Variants in ATG3 observed in about 807,000 individuals in gnomAD.
ATG3 encodes the protein ubiquitin-like-conjugating enzyme ATG3.
Under a neutral mutation model 50.7 loss-of-function variants are expected in ATG3, and 25 were observed. That is an observed-to-expected ratio of 0.49 (90% CI 0.36 to 0.69). ATG3 has a LOEUF of 0.69. Among genes scored for constraint, ATG3 ranks in the 30% least tolerant of loss-of-function variants. The pLI is 0.00. For missense variants in ATG3, 281 were observed against 376.0 expected (o/e 0.75, Z 2.09); for synonymous variants, 119 against 125.5 (o/e 0.95, Z 0.34).
rs750792462 is a variant in ATG3 at position 112,537,725 on chromosome 3, TC to T, written c.666+9del. On this transcript the variant is annotated intron_variant, in intron 9 of 11. Coordinates refer to ENST00000283290, the MANE Select transcript of ATG3 (RefSeq NM_022488.5). ...TATTGATATTAAAATATAATGCTTTTCATTTTTACCTCATCATAGCCAAACA... is the reference window on the plus strand; with the variant it reads ...TATTGATATTAAAATATAATGCTTTTATTTTTACCTCATCATAGCCAAACA... 2.6e-6 allele frequency: 4 copies of T among 1,534,728 alleles called. No homozygotes were observed. The Admixed American group carries it at 8.9e-5, about 34-fold the overall frequency.
chr3:112,539,624 T>C (rs1933171868), intron 7 of ATG3, among the ~76,000 whole-genome samples: 1 of 152,240 alleles, frequency 6.6e-6, no homozygotes, highest in East Asian at 1.9e-4. Context: ...ATCTATTTTT[T>C]GTCTCCACTG....
chr3:112,544,190 A>G, intron 5 of ATG3, 84 bp from the exon 6 acceptor site: 2 of 1,144,126 alleles, frequency 1.7e-6, no homozygotes, highest in South Asian at 2.9e-5. Context: ...AAAAATGCTG[A>G]AAATTCTCAC....
intron 1 of ATG3, 93 bp from the exon 2 acceptor site, chr3:112,558,510 GGCAATAGA>G: frequency 1.0e-6 from 1 of 989,314 alleles, no homozygotes; most frequent in Non-Finnish European, 1.6e-6. Context: ...TGCCCTTCTA[GGCAATAGA>G]GCACATACAA....
Position 112,559,059 on chromosome 3 carries a change from C to A in ATG3, c.73-642G>T, listed in dbSNP as rs78091687. ...CGGCCAAGCTCTATGTACAAACATT[C>A]TAAGATTTAAATAAAAATAAAGCCT... On this transcript the variant is annotated intron_variant, in intron 1 of 11. Transcript: ENST00000283290. Among the ~76,000 whole-genome samples the A allele has an allele frequency of 2.6e-5, 4 of 152,186 alleles. No individual in the cohort carries two copies. The East Asian group carries it at 7.7e-4, about 29-fold the overall frequency.
chr3:112,552,461 T>C (rs944783338), intron 3 of ATG3, among the ~76,000 whole-genome samples: 7 of 151,978 alleles, frequency 4.6e-5, no homozygotes, highest in Non-Finnish European at 7.4e-5. Flanking sequence ...AAGGCCTTAA[T>C]TGGTATCATA....
intron 10 of ATG3, 87 bp from the exon 11 acceptor site, chr3:112,534,424 C>A: frequency 6.8e-6 from 7 of 1,022,444 alleles, no homozygotes; most frequent in Middle Eastern, 2.2e-4. Context: ...AAGAAATCGA[C>A]CCTATTACTC....
intron 5 of ATG3, among the ~76,000 whole-genome samples, chr3:112,546,643 G>A (rs1933377564): frequency 6.6e-6 from 1 of 152,150 alleles, no homozygotes; most frequent in African/African-American, 2.4e-5. Flanking sequence ...GGAAAAGCAA[G>A]GATAAAGCAA....
intron 1 of ATG3, among the ~76,000 whole-genome samples, 193 bp downstream of exon 1, chr3:112,561,264 C>T (rs1366018259): frequency 6.6e-6 from 1 of 152,170 alleles, no homozygotes; most frequent in African/African-American, 2.4e-5. Context: ...CAAGTTTACC[C>T]CTGAGGAGTC....
intron 3 of ATG3, 140 bp from the exon 4 acceptor site, chr3:112,550,402 C>T: frequency 7.6e-6 from 5 of 656,816 alleles, no homozygotes; most frequent in Non-Finnish European, 1.3e-5. Flanking sequence ...TTGGGAAGGA[C>T]TCCATTAAGT....
At chr3:112,549,444 T>G (rs1933466216) in intron 4 of ATG3, among the ~76,000 whole-genome samples, 1 of 152,234 alleles carries the variant, frequency 6.6e-6, no homozygotes, top group Admixed American at 6.5e-5. Context: ...ATCAATGTAT[T>G]GTTTTGTGAT....
chr3:112,536,704 A>G lies in ATG3; in HGVS notation c.667-102T>C, dbSNP rs1044208141. 12 of 1,263,336 alleles carry G rather than the reference A, an allele frequency of 9.5e-6. No individual in the cohort carries two copies. In the African/African-American group the frequency reaches 1.0e-4, roughly 11 times the overall value. 78.3% of individuals were successfully genotyped at this position (1,263,336 alleles called of 1,614,324 possible). On this transcript the variant is annotated intron_variant, in intron 9 of 11. Transcript: ENST00000283290. ...TGGGAGACTGAGGTGGGCGGATCAC[A>G]TGGTCAGGAGATCGAGACCATCCTG...
At chr3:112,538,124 A>G (rs1933123647) in intron 8 of ATG3, 22 bp downstream of exon 8, 1 of 1,542,582 alleles carries the variant, frequency 6.5e-7, no homozygotes, top group Admixed American at 1.9e-5. Context: ...AAAATTAACT[A>G]AAGAAAACTC....
At position 112,541,304 on chromosome 3, in the gene ATG3, C is replaced by T. The variant is rs569487261; in HGVS notation, c.475+499G>A. ...CAGGAGGCAGAGGCAAGAGAATCAC[C>T]TGAACCTGGGAGACGGCGGTTGCAG... On this transcript the variant is annotated intron_variant, in intron 7 of 11. Transcript: ENST00000283290. 2.6e-5 allele frequency among the ~76,000 whole-genome samples: 4 copies of T among 151,930 alleles called. No homozygotes were observed. The South Asian group carries it at 8.3e-4, about 32-fold the overall frequency.
intron 5 of ATG3, among the ~76,000 whole-genome samples, chr3:112,544,986 T>C (rs1172755052): frequency 6.6e-6 from 1 of 152,208 alleles, no homozygotes; most frequent in Non-Finnish European, 1.5e-5. Flanking sequence ...ATACTCAATC[T>C]GTTTGTTATT....
intron 3 of ATG3, among the ~76,000 whole-genome samples, chr3:112,552,251 T>C (rs947564178): frequency 6.6e-6 from 1 of 152,130 alleles, no homozygotes; most frequent in African/African-American, 2.4e-5. Context: ...GTTCTGCCAA[T>C]ATTGGGATCA....
At chr3:112,535,648 G>A (rs960799738) in intron 10 of ATG3, 2 of 152,164 alleles carry the variant, frequency 1.3e-5, no homozygotes, top group Non-Finnish European at 2.9e-5. Context: ...CTTCCACGGA[G>A]TTAAAGTTTG....
At chr3:112,546,357 G>A (rs1295101809) in intron 5 of ATG3, among the ~76,000 whole-genome samples, 2 of 152,164 alleles carry the variant, frequency 1.3e-5, no homozygotes, top group Non-Finnish European at 2.9e-5. Context: ...ACTAATGGCT[G>A]GGTAGCATAT....
At chr3:112,550,359 C>A in intron 3 of ATG3, 97 bp from the exon 4 acceptor site, 2 of 993,670 alleles carry the variant, frequency 2.0e-6, no homozygotes, top group Admixed American at 2.4e-5. Flanking sequence ...ATGATATAAT[C>A]CATAATTCTC....
intron 4 of ATG3, among the ~76,000 whole-genome samples, chr3:112,549,817 A>AC (rs397990829): frequency 1.3e-5 from 2 of 150,436 alleles, no homozygotes; most frequent in Non-Finnish European, 3.0e-5. Flanking sequence ...AAAAAAAAAA[A>AC]CCACTACCTG....
Sources: gnomAD v4.1 joint callset for allele counts (sites outside exome capture counted in the v4.1 genomes callset) on GRCh38, gnomAD v4.1.1 for gene constraint, MANE v1.5 for transcripts, NCBI Gene and HGNC (gene_info 2026-07-23, HGNC 2026-07-21) for gene names.